Variants in AGPS observed in about 807,000 individuals in gnomAD.
AGPS encodes the protein alkylglycerone phosphate synthase, also known as alkyldihydroxyacetonephosphate synthase, peroxisomal.
AGPS carries 26 observed loss-of-function variants against 90.7 expected under a neutral mutation model. That is an observed-to-expected ratio of 0.29 (90% CI 0.21 to 0.40). The LOEUF (loss-of-function observed/expected upper bound fraction) is 0.40. AGPS is among the 10% of genes least tolerant of loss of function. The pLI is 1.00. For synonymous variants in AGPS, 294 were observed against 285.3 expected (o/e 1.03, Z -0.31); for missense variants, 540 against 816.1 (o/e 0.66, Z 4.12).
At position 177,539,727 on chromosome 2, in the gene AGPS, A is replaced by G. The variant is rs982233887; in HGVS notation, c.*1532A>G. The G allele has an allele frequency of 2.0e-5, 3 of 152,016 alleles. No homozygotes were observed. Among genetic ancestry groups the G allele is most frequent in the Non-Finnish European group, 2.9e-5 (2 of 67,940 alleles). 9.4% of individuals were successfully genotyped at this position (152,016 alleles called of 1,614,324 possible). The stretch of plus-strand genomic sequence containing the variant: ...TCAAAATGATAAATAATTTTTAACT[A>G]TTAAAATTGGCCTCAAACTAATAAA... On this transcript the variant is annotated 3_prime_UTR_variant, in exon 20 of 20. Coordinates refer to ENST00000264167, the MANE Select transcript of AGPS (RefSeq NM_003659.4).
chr2:177,450,363 G>A (rs1037197707), intron 8 of AGPS, among the ~76,000 whole-genome samples: 1 of 152,020 alleles, frequency 6.6e-6, no homozygotes, highest in East Asian at 1.9e-4. Context: ...CTGCTGTTGT[G>A]TCATAATGCA....
At chr2:177,445,681 T>G (rs928835721) in intron 8 of AGPS, 55 bp downstream of exon 8, 19 of 1,240,630 alleles carry the variant, frequency 1.5e-5, no homozygotes, top group Non-Finnish European at 2.1e-5. Context: ...ATATCAATTC[T>G]GATGTTATTT....
At chr2:177,482,268 T>C (rs1247767073) in intron 11 of AGPS, 82 bp downstream of exon 11, 2 of 753,934 alleles carry the variant, frequency 2.7e-6, no homozygotes, top group Non-Finnish European at 4.0e-6. Context: ...ACATAGTTGA[T>C]TGTGATATGT....
At chr2:177,464,632 A>G (rs1324904226) in intron 9 of AGPS, among the ~76,000 whole-genome samples, 2 of 152,260 alleles carry the variant, frequency 1.3e-5, no homozygotes, top group Non-Finnish European at 2.9e-5. Context: ...AATTCCAACT[A>G]TAGTCCATCT....
At chr2:177,448,289 A>C (rs544795139) in intron 8 of AGPS, among the ~76,000 whole-genome samples, 3 of 152,308 alleles carry the variant, frequency 2.0e-5, no homozygotes, top group African/African-American at 7.2e-5. Context: ...AAGATGAAAT[A>C]AGTTAATAAT....
chr2:177,400,318 C>G (rs1441082790), intron 1 of AGPS, among the ~76,000 whole-genome samples: 1 of 152,130 alleles, frequency 6.6e-6, no homozygotes, highest in Admixed American at 6.5e-5. Context: ...AACTCTATTA[C>G]TCAATTACAC....
intron 1 of AGPS, among the ~76,000 whole-genome samples, chr2:177,396,631 G>A (rs1484155590): frequency 6.6e-6 from 1 of 152,180 alleles, no homozygotes; most frequent in Admixed American, 6.5e-5. Context: ...TCAGTTAGAG[G>A]AGGCTGTTGT....
intron 12 of AGPS, among the ~76,000 whole-genome samples, chr2:177,493,658 A>C (rs1156546229): frequency 6.6e-6 from 1 of 152,194 alleles, no homozygotes; most frequent in East Asian, 1.9e-4. Flanking sequence ...TAGAGTTGTT[A>C]CATGAGATAA....
intron 9 of AGPS, among the ~76,000 whole-genome samples, chr2:177,467,477 G>A (rs911063899): frequency 3.3e-4 from 50 of 152,184 alleles, no homozygotes; most frequent in African/African-American, 1.2e-3. Context: ...GGATCAAGAA[G>A]TTTATACATT....
chr2:177,442,460 A>G lies in AGPS; in HGVS notation c.763A>G (p.Ile255Val), dbSNP rs1389641802. ...LMCPADETRTIISLDTSQMNR... is the reference protein window; with the variant it reads ...LMCPADETRTVISLDTSQMNR... ...GTGTCCTGCAGATGAGACAAGAACA[A>G]TTATTTCTTTGGACACTTCACAAAT... Residue 255 changes from isoleucine to valine, a missense_variant, in exon 7 of 20, where the codon ATT becomes GTT. Around this residue, in one of 2 missense-constraint regions of AGPS, gnomAD observed 405 missense variants for 692.1 expected, o/e 0.59. Coordinates refer to ENST00000264167, the MANE Select transcript of AGPS (RefSeq NM_003659.4). 5.6e-6 allele frequency: 9 copies of G among 1,613,490 alleles called. No individual in the cohort carries two copies. The highest frequency in any genetic ancestry group is 7.6e-6 in the Non-Finnish European group (9 of 1,179,546).
Position 177,453,101 on chromosome 2 carries a change from T to C in AGPS, c.870+7475T>C, listed in dbSNP as rs936540901. On this transcript the variant is annotated intron_variant, in intron 8 of 19. Transcript: ENST00000264167. ...TGAAGAAGTCTTTATTTCACCTTTG[T>C]TTTTAAAAAAGATATTTGAAGTGAG... Among the ~76,000 whole-genome samples, 40 of 151,992 alleles carry C rather than the reference T, an allele frequency of 2.6e-4. 1 individual carries two copies. The highest frequency in any genetic ancestry group is 2.9e-5 in the Non-Finnish European group (2 of 67,984).
intron 9 of AGPS, among the ~76,000 whole-genome samples, chr2:177,467,908 C>T (rs993773636): frequency 4.6e-5 from 7 of 152,106 alleles, no homozygotes; most frequent in African/African-American, 1.7e-4. Context: ...GTTTCTACTG[C>T]TTCATCCCAA....
intron 19 of AGPS, among the ~76,000 whole-genome samples, chr2:177,536,445 A>G (rs966747324): frequency 1.3e-5 from 2 of 152,138 alleles, no homozygotes; most frequent in African/African-American, 4.8e-5. Context: ...AAATCTGGAA[A>G]AAACTGATTT....
intron 8 of AGPS, among the ~76,000 whole-genome samples, chr2:177,451,258 G>A (rs556766880): frequency 2.0e-5 from 3 of 151,996 alleles, no homozygotes; most frequent in East Asian, 1.9e-4. Context: ...ACCTGGCCTC[G>A]TATATTTTTA....
intron 10 of AGPS, among the ~76,000 whole-genome samples, chr2:177,474,177 T>G (rs1385189589): frequency 6.6e-6 from 1 of 152,142 alleles, no homozygotes; most frequent in Non-Finnish European, 1.5e-5. Flanking sequence ...CTCAAGAATG[T>G]TATAGGGAAA....
At chr2:177,401,379 G>T (rs1287460234) in intron 1 of AGPS, among the ~76,000 whole-genome samples, 3 of 151,810 alleles carry the variant, frequency 2.0e-5, no homozygotes, top group Admixed American at 6.6e-5. Flanking sequence ...AATTAATTCT[G>T]CAGTCACTCT....
At chr2:177,525,041 C>T (rs75495251) in intron 19 of AGPS, among the ~76,000 whole-genome samples, 2,425 of 152,288 alleles carry the variant, frequency 0.016, 59 homozygotes, top group African/African-American at 0.054. Context: ...ATAATATGCT[C>T]CTCTCTCCTT....
At chr2:177,476,377 A>G (rs770416324) in intron 10 of AGPS, among the ~76,000 whole-genome samples, 1 of 151,848 alleles carries the variant, frequency 6.6e-6, no homozygotes, top group Non-Finnish European at 1.5e-5. Context: ...CTTCCTTTCC[A>G]TTCTTCTCAA....
At chr2:177,503,238 C>G (rs2105715805) in intron 14 of AGPS, among the ~76,000 whole-genome samples, 1 of 152,258 alleles carries the variant, frequency 6.6e-6, no homozygotes, top group Non-Finnish European at 1.5e-5. Flanking sequence ...GATTGTTTAT[C>G]CATGTTTGCT....
Sources: gnomAD v4.1 joint callset for allele counts (sites outside exome capture counted in the v4.1 genomes callset) on GRCh38, gnomAD v4.1.1 for gene constraint, gnomAD v4.1.1 regional missense constraint, MANE v1.5 for transcripts, NCBI Gene and HGNC (gene_info 2026-07-23, HGNC 2026-07-21) for gene names.